The following ATP8A1 variants were observed in gnomAD, a reference collection of about 807,000 sequenced individuals.
The protein encoded by ATP8A1 is ATPase phospholipid transporting 8A1.
Under a neutral mutation model 177.7 loss-of-function variants are expected in ATP8A1, and 90 were observed. The ratio of observed to expected loss-of-function variants is 0.51; its 90% CI spans 0.43 to 0.60. ATP8A1 has a LOEUF of 0.60. Among genes scored for constraint, ATP8A1 ranks in the 20% least tolerant of loss-of-function variants. The probability of loss-of-function intolerance (pLI) is 0.00; values close to 1 mark genes in which losing one functional copy is unlikely to be tolerated. For missense variants in ATP8A1, 1,072 were observed against 1,392.8 expected (o/e 0.77, Z 3.67); for synonymous variants, 493 against 485.9 (o/e 1.01, Z -0.19).
At chr4:42,651,026 C>T (rs1464177091) in intron 1 of ATP8A1, among the ~76,000 whole-genome samples, 1 of 152,116 alleles carries the variant, frequency 6.6e-6, no homozygotes, top group East Asian at 1.9e-4. Flanking sequence ...ACAGGTCTTT[C>T]CCATGCTGTT....
rs1350456742 is a variant in ATP8A1, at chr4:42,408,632, G to A, written c.*4284C>T. ...CACAATTTCTACAGCAGTTTCAGCA[G>A]GAATGGTTTTTCAGGGAGCTGAAAA... On this transcript the variant is annotated 3_prime_UTR_variant, in exon 37 of 37. Coordinates refer to ENST00000381668, the MANE Select transcript of ATP8A1 (RefSeq NM_006095.2). 6.6e-6 allele frequency: 1 copy of A among 152,190 alleles called. No individual in the cohort carries two copies. The highest frequency in any genetic ancestry group is 6.5e-5 in the Admixed American group (1 of 15,286). The allele number at this position is 152,190 out of a possible 1,614,324, so 9.4% of individuals were successfully genotyped here. A position where few individuals can be genotyped will look rare whatever the true frequency, so the allele number is the denominator to read the frequency against.
rs1729346073 is a variant in ATP8A1, at chr4:42,550,098, G to A, written c.1603-1036C>T. 2.0e-5 allele frequency among the ~76,000 whole-genome samples: 3 copies of A among 151,832 alleles called. No individual in the cohort carries two copies. The South Asian group carries it at 6.2e-4, about 32-fold the overall frequency. On this transcript the variant is annotated intron_variant, in intron 18 of 36. Transcript: ENST00000381668. ...CAATCAACCTCTTCCCTGCCCTGAG[G>A]CAACCACTGTTCTGAATTCTATCAC... is the stretch of plus-strand genomic sequence containing the variant.
intron 24 of ATP8A1, among the ~76,000 whole-genome samples, chr4:42,497,387 C>T (rs144786803): frequency 9.2e-5 from 14 of 152,198 alleles, no homozygotes; most frequent in Non-Finnish European, 1.9e-4. Context: ...AAAGAGGGCA[C>T]GAGGCATGGC....
intron 20 of ATP8A1, among the ~76,000 whole-genome samples, chr4:42,526,077 TAAGAA>T (rs965424906): frequency 3.3e-5 from 5 of 152,064 alleles, no homozygotes; most frequent in Non-Finnish European, 5.9e-5. Flanking sequence ...ATTCTAAAAC[TAAGAA>T]AATATTTGAA....
intron 25 of ATP8A1, among the ~76,000 whole-genome samples, chr4:42,465,846 C>T (rs1179492591): frequency 6.6e-6 from 1 of 152,086 alleles, no homozygotes; most frequent in East Asian, 1.9e-4. Flanking sequence ...TCCTGGCTAA[C>T]ACGGTGAAAC....
chr4:42,544,455 T>C (rs1307877683), intron 19 of ATP8A1, among the ~76,000 whole-genome samples: 1 of 152,182 alleles, frequency 6.6e-6, no homozygotes, highest in Non-Finnish European at 1.5e-5. Flanking sequence ...AAAAAACAAC[T>C]TAAGCATTCA....
At chr4:42,555,740 C>G (rs1408224549) in intron 16 of ATP8A1, among the ~76,000 whole-genome samples, 1 of 152,088 alleles carries the variant, frequency 6.6e-6, no homozygotes, top group East Asian at 1.9e-4. Context: ...GGAGAAATGG[C>G]TTGATTCTGG....
intron 4 of ATP8A1, among the ~76,000 whole-genome samples, chr4:42,623,076 C>A (rs936806521): frequency 6.6e-6 from 1 of 150,806 alleles, no homozygotes; most frequent in African/African-American, 2.4e-5. Context: ...ATACATGCGG[C>A]CAGCAAACGT....
chr4:42,464,168 A>T (rs1325308542), intron 27 of ATP8A1, among the ~76,000 whole-genome samples: 1 of 152,142 alleles, frequency 6.6e-6, no homozygotes, highest in Non-Finnish European at 1.5e-5. Flanking sequence ...CATTAAATAC[A>T]TTATTATCTC....
intron 30 of ATP8A1, among the ~76,000 whole-genome samples, chr4:42,449,546 C>T (rs1717709588): frequency 2.0e-5 from 3 of 152,136 alleles, no homozygotes; most frequent in Non-Finnish European, 4.4e-5. Context: ...TTCAGTATCC[C>T]CATCCTTTCA....
chr4:42,454,837 T>C (rs937051093), intron 29 of ATP8A1, among the ~76,000 whole-genome samples: 3 of 152,190 alleles, frequency 2.0e-5, no homozygotes, highest in African/African-American at 7.2e-5. Context: ...AAAATTCTAA[T>C]GAGGACAAAG....
intron 1 of ATP8A1, among the ~76,000 whole-genome samples, chr4:42,642,869 C>A (rs557176937): frequency 2.6e-5 from 4 of 152,166 alleles, no homozygotes; most frequent in African/African-American, 9.7e-5. Context: ...GAAAACTCCA[C>A]GAAGACTTCA....
At chr4:42,523,425 G>A (rs912853886) in intron 21 of ATP8A1, among the ~76,000 whole-genome samples, 4 of 152,178 alleles carry the variant, frequency 2.6e-5, no homozygotes, top group Non-Finnish European at 4.4e-5. Flanking sequence ...CACATCAGAA[G>A]TAAGAAGCAA....
At chr4:42,429,193 C>T (rs1413188258) in intron 33 of ATP8A1, among the ~76,000 whole-genome samples, 3 of 152,078 alleles carry the variant, frequency 2.0e-5, no homozygotes, top group South Asian at 2.1e-4. Flanking sequence ...CAGATAATTA[C>T]GTATTTTGGG....
At chr4:42,522,388 T>TG in intron 21 of ATP8A1, 89 bp from the exon 22 acceptor site, 2 of 1,451,760 alleles carry the variant, frequency 1.4e-6, no homozygotes, top group Non-Finnish European at 1.9e-6. Context: ...AAGTCCCATT[T>TG]TGAAAAAAGT....
At chr4:42,532,012 G>C (rs1251498781) in intron 20 of ATP8A1, among the ~76,000 whole-genome samples, 2 of 151,988 alleles carry the variant, frequency 1.3e-5, no homozygotes, top group Non-Finnish European at 2.9e-5. Flanking sequence ...TGAGGTGGAA[G>C]GATCATGTGA....
chr4:42,449,278 T>C (rs1485065458), intron 30 of ATP8A1, among the ~76,000 whole-genome samples: 1 of 152,240 alleles, frequency 6.6e-6, no homozygotes, highest in Non-Finnish European at 1.5e-5. Flanking sequence ...TCCCATTTTG[T>C]CAAATACAAA....
At chr4:42,632,968 A>C (rs371787459) in intron 1 of ATP8A1, among the ~76,000 whole-genome samples, 1 of 152,292 alleles carries the variant, frequency 6.6e-6, no homozygotes, top group South Asian at 2.1e-4. Flanking sequence ...AAAGAAATCA[A>C]TAGTTTTGTT....
intron 14 of ATP8A1, among the ~76,000 whole-genome samples, chr4:42,570,233 T>C (rs1731769476): frequency 6.6e-6 from 1 of 152,208 alleles, no homozygotes; most frequent in Non-Finnish European, 1.5e-5. Context: ...CCAATCACAA[T>C]GGAGGTGGTC....
Sources: gnomAD v4.1 joint callset for allele counts (sites outside exome capture counted in the v4.1 genomes callset) on GRCh38, gnomAD v4.1.1 for gene constraint, MANE v1.5 for transcripts, NCBI Gene and HGNC (gene_info 2026-07-23, HGNC 2026-07-21) for gene names.